The following UNC5D variants were observed in gnomAD, a reference collection of about 807,000 sequenced individuals.
The protein encoded by UNC5D is netrin receptor UNC5D.
UNC5D carries 39 observed loss-of-function variants against 105.4 expected under a neutral mutation model. The observed-to-expected ratio is 0.37, with a 90% CI of 0.29 to 0.48. The LOEUF (loss-of-function observed/expected upper bound fraction) is 0.48. UNC5D is among the 20% of genes least tolerant of loss of function. The pLI is 0.98. For missense variants in UNC5D, 991 were observed against 1,202.4 expected, an observed-to-expected ratio of 0.82 and a Z score of 2.60; for synonymous variants, 452 against 450.4, an observed-to-expected ratio of 1.00 and a Z score of -0.04.
intron 2 of UNC5D, among the ~76,000 whole-genome samples, chr8:35,552,944 T>G (rs1240577113): frequency 6.6e-6 from 1 of 152,210 alleles, no homozygotes; most frequent in Non-Finnish European, 1.5e-5. Flanking sequence ...TTGTGTCTTT[T>G]GCTCAATTAG....
At chr8:35,641,464 A>T (rs891812419) in intron 4 of UNC5D, among the ~76,000 whole-genome samples, 2 of 151,876 alleles carry the variant, frequency 1.3e-5, no homozygotes, top group African/African-American at 4.8e-5. Flanking sequence ...ATCTTTGCCA[A>T]CTGTTTAAGT....
intron 1 of UNC5D, among the ~76,000 whole-genome samples, chr8:35,435,028 T>TA (rs557879109): frequency 2.6e-5 from 4 of 151,810 alleles, no homozygotes; most frequent in East Asian, 3.9e-4. Flanking sequence ...GTGCTGAACC[T>TA]AAAAAAAAGT....
At position 35,684,658 on chromosome 8, in the gene UNC5D, C is replaced by T; in HGVS notation, c.828C>T (p.Ser276=). 6.2e-7 allele frequency: 1 copy of T among 1,613,936 alleles called. No homozygotes were observed. Among genetic ancestry groups the T allele is most frequent in the Non-Finnish European group, 8.5e-7 (1 of 1,179,986 alleles). The change falls in exon 6 of 17, where the codon TCC becomes TCT. Residue 276 remains serine, a synonymous_variant. Coordinates refer to ENST00000404895, the MANE Select transcript of UNC5D (RefSeq NM_080872.4). ...GTGGTAGAGGATGGCAGAAACGTTC[C>T]CGGACCTGCACCAACCCAGCTCCTC... The part of the protein sequence containing the change: ...VRCGRGWQKR[S]RTCTNPAPLN...
chr8:35,245,481 G>A (rs1436441671), intron 1 of UNC5D, among the ~76,000 whole-genome samples: 3 of 152,086 alleles, frequency 2.0e-5, no homozygotes, highest in African/African-American at 7.2e-5. Flanking sequence ...GGTTTCCAAA[G>A]TTGTTTCTCT....
intron 1 of UNC5D, among the ~76,000 whole-genome samples, chr8:35,522,912 C>T (rs1366997213): frequency 1.3e-5 from 2 of 152,202 alleles, no homozygotes; most frequent in African/African-American, 4.8e-5. Flanking sequence ...TTGTACCTTG[C>T]TCTGAAAACT....
intron 1 of UNC5D, among the ~76,000 whole-genome samples, chr8:35,528,071 G>A (rs1017341625): frequency 3.5e-5 from 4 of 113,882 alleles, no homozygotes; most frequent in Non-Finnish European, 5.2e-5. Flanking sequence ...TATACTTTAA[G>A]TTTTAGGGTA....
intron 4 of UNC5D, among the ~76,000 whole-genome samples, chr8:35,650,765 C>A (rs1275580333): frequency 6.6e-6 from 1 of 152,140 alleles, no homozygotes; most frequent in Non-Finnish European, 1.5e-5. Context: ...AGCCACGGTG[C>A]CCAGCCAAGA....
chr8:35,712,577 C>T (rs577851254), intron 8 of UNC5D, among the ~76,000 whole-genome samples: 1 of 152,292 alleles, frequency 6.6e-6, no homozygotes, highest in East Asian at 1.9e-4. Context: ...AGTAGGTATG[C>T]TCTTCTCACT....
chr8:35,426,775 A>C (rs1000445037), intron 1 of UNC5D, among the ~76,000 whole-genome samples: 1 of 152,166 alleles, frequency 6.6e-6, no homozygotes, highest in African/African-American at 2.4e-5. Flanking sequence ...TGAATGTTCC[A>C]GAACCATTAT....
chr8:35,755,451 AGC>A (rs1563737001), intron 13 of UNC5D, among the ~76,000 whole-genome samples: 5 of 150,698 alleles, frequency 3.3e-5, no homozygotes, highest in African/African-American at 1.2e-4. Flanking sequence ...TTTAAAGGAA[AGC>A]ACCATAGCGA....
chr8:35,509,535 G>A (rs1812559102), intron 1 of UNC5D, among the ~76,000 whole-genome samples: 1 of 638 alleles, frequency 1.6e-3, no homozygotes, highest in Non-Finnish European at 3.2e-3. Context: ...TTCTTTCTGA[G>A]ACCCTGGGCC....
At chr8:35,615,580 C>G (rs1820982980) in intron 4 of UNC5D, among the ~76,000 whole-genome samples, 1 of 152,146 alleles carries the variant, frequency 6.6e-6, no homozygotes, top group African/African-American at 2.4e-5. Flanking sequence ...TGGCTCTTTT[C>G]TATAAATCCT....
chr8:35,434,369 AT>A (rs60945945), intron 1 of UNC5D, among the ~76,000 whole-genome samples: 1 of 151,816 alleles, frequency 6.6e-6, no homozygotes, highest in Admixed American at 6.6e-5. Flanking sequence ...CAAAGTGAGA[AT>A]TTTTTTTGGG....
intron 1 of UNC5D, among the ~76,000 whole-genome samples, chr8:35,399,972 G>T (rs1804349471): frequency 6.6e-6 from 1 of 152,140 alleles, no homozygotes; most frequent in Non-Finnish European, 1.5e-5. Context: ...AAAAACAGCT[G>T]TATGAGGAGA....
intron 1 of UNC5D, among the ~76,000 whole-genome samples, chr8:35,240,477 T>TGAGA (rs1486598883): frequency 6.6e-6 from 1 of 152,214 alleles, no homozygotes; most frequent in Non-Finnish European, 1.5e-5. Flanking sequence ...ACTTCATGTG[T>TGAGA]GAGAGTCATA....
intron 1 of UNC5D, among the ~76,000 whole-genome samples, chr8:35,321,995 G>A (rs1809782814): frequency 6.6e-6 from 1 of 152,188 alleles, no homozygotes; most frequent in Non-Finnish European, 1.5e-5. Context: ...GGTTTGTTGT[G>A]AGAAATGCGT....
intron 1 of UNC5D, among the ~76,000 whole-genome samples, chr8:35,273,324 C>T (rs2128838754): frequency 6.6e-6 from 1 of 152,318 alleles, no homozygotes; most frequent in South Asian, 2.1e-4. Flanking sequence ...TCTGTTGCTA[C>T]ACAACATGTT....
intron 1 of UNC5D, among the ~76,000 whole-genome samples, chr8:35,545,734 C>T (rs769715340): frequency 6.6e-6 from 1 of 151,956 alleles, no homozygotes; most frequent in Non-Finnish European, 1.5e-5. Context: ...CAAATATATA[C>T]CTACAATCCC....
intron 3 of UNC5D, among the ~76,000 whole-genome samples, chr8:35,583,963 G>A (rs1462863034): frequency 6.6e-6 from 1 of 152,164 alleles, no homozygotes; most frequent in African/African-American, 2.4e-5. Flanking sequence ...ATGGTGCTGA[G>A]TGGCTTCGTA....
Sources: allele counts gnomAD v4.1 joint callset (sites outside exome capture counted in the v4.1 genomes callset), GRCh38; gene constraint gnomAD v4.1.1; transcripts MANE v1.5; gene names NCBI Gene and HGNC (gene_info 2026-07-23, HGNC 2026-07-21).